ALMS1: variants seen among roughly 807,000 people sequenced by gnomAD.
The protein encoded by ALMS1 is ALMS1 centrosome and basal body associated protein.
A neutral mutation model predicts 352.2 loss-of-function variants in ALMS1; 271 were observed. The ratio of observed to expected loss-of-function variants is 0.77; its 90% CI spans 0.70 to 0.85. The LOEUF (loss-of-function observed/expected upper bound fraction) is 0.85, where lower values mean the gene tolerates loss of function less well. Ranked by LOEUF, ALMS1 falls within the 40% of genes least tolerant of loss-of-function variation. The pLI is 0.00. For missense variants in ALMS1, 5,445 were observed against 4,870.7 expected (o/e 1.12, Z -3.51); for synonymous variants, 1,865 against 1,761.2 (o/e 1.06, Z -1.48).
chr2:73,460,678 C>T (rs1259324368), intron 9 of ALMS1, among the ~76,000 whole-genome samples: 1 of 152,196 alleles, frequency 6.6e-6, no homozygotes, highest in African/African-American at 2.4e-5. Flanking sequence ...TCAGGGAGTT[C>T]CCTTTCCTAG....
intron 2 of ALMS1, among the ~76,000 whole-genome samples, chr2:73,413,618 G>C (rs1281243375): frequency 6.6e-6 from 1 of 152,172 alleles, no homozygotes. Flanking sequence ...TGGTTGAAGG[G>C]AGAGGCGTGT....
At chr2:73,477,523 A>G (rs1465629914) in intron 9 of ALMS1, among the ~76,000 whole-genome samples, 2 of 151,664 alleles carry the variant, frequency 1.3e-5, no homozygotes, top group African/African-American at 2.4e-5. Flanking sequence ...TTTTAATAAG[A>G]GTTGCATTGA....
intron 2 of ALMS1, among the ~76,000 whole-genome samples, chr2:73,415,087 C>G (rs1338135214): frequency 1.3e-5 from 2 of 152,094 alleles, no homozygotes; most frequent in African/African-American, 4.8e-5. Context: ...AAAGATGTAT[C>G]TCAAACTTTT....
intron 6 of ALMS1, among the ~76,000 whole-genome samples, chr2:73,430,275 A>C (rs1395784805): frequency 1.3e-5 from 2 of 151,982 alleles, no homozygotes; most frequent in African/African-American, 4.8e-5. Context: ...ACGGGGTTTC[A>C]CCGTGTTAGC....
At chr2:73,536,747 T>A (rs1442161219) in intron 12 of ALMS1, among the ~76,000 whole-genome samples, 1 of 152,094 alleles carries the variant, frequency 6.6e-6, no homozygotes, top group Admixed American at 6.6e-5. Context: ...ATAGAACTGA[T>A]GCAAACAACG....
chr2:73,563,236 G>C (rs1553417437), intron 15 of ALMS1, among the ~76,000 whole-genome samples: 2 of 152,070 alleles, frequency 1.3e-5, no homozygotes, highest in Non-Finnish European at 2.9e-5. Context: ...GAAATTTGGG[G>C]ACATTAATAT....
At position 73,502,332 on chromosome 2, in the gene ALMS1, C is replaced by T. The variant is rs541653349; in HGVS notation, c.9539+10834C>T. Among the ~76,000 whole-genome samples, 8 of 152,220 alleles carry T rather than the reference C, an allele frequency of 5.3e-5. No individual in the cohort carries two copies. The Middle Eastern group carries it at 0.01, about 194-fold the overall frequency. On this transcript the variant is annotated intron_variant, in intron 10 of 22. Transcript: ENST00000613296. ...ATCCTCAGGTATAAAGTCTATTCTT[C>T]ATACATAATCATTTCACCAGAGAAC...
intron 12 of ALMS1, among the ~76,000 whole-genome samples, chr2:73,542,482 C>T (rs1035384678): frequency 6.6e-6 from 1 of 152,182 alleles, no homozygotes; most frequent in Non-Finnish European, 1.5e-5. Context: ...CTCACCACTC[C>T]TATTCAACAC....
intron 7 of ALMS1, among the ~76,000 whole-genome samples, chr2:73,447,186 C>A (rs1296514305): frequency 6.6e-6 from 1 of 152,162 alleles, no homozygotes; most frequent in African/African-American, 2.4e-5. Context: ...CTTTACACTG[C>A]TGTTTAAAAC....
intron 10 of ALMS1, among the ~76,000 whole-genome samples, chr2:73,492,774 C>T (rs1048337405): frequency 2.0e-5 from 3 of 151,986 alleles, no homozygotes; most frequent in African/African-American, 7.3e-5. Flanking sequence ...GACAGAGTCT[C>T]GCTCTGTCAC....
intron 11 of ALMS1, among the ~76,000 whole-genome samples, chr2:73,522,525 A>G (rs1378460380): frequency 7.7e-6 from 1 of 130,296 alleles, no homozygotes; most frequent in African/African-American, 3.0e-5. Flanking sequence ...GTTGGAGTGC[A>G]GTGGTGCAAT....
At chr2:73,482,844 AG>A (rs1672741699) in intron 9 of ALMS1, among the ~76,000 whole-genome samples, 1 of 151,690 alleles carries the variant, frequency 6.6e-6, no homozygotes, top group Non-Finnish European at 1.5e-5. Flanking sequence ...CATTTCTTCT[AG>A]ATTTTCTAGT....
intron 15 of ALMS1, among the ~76,000 whole-genome samples, chr2:73,560,466 T>C (rs899287535): frequency 2.6e-5 from 4 of 152,152 alleles, no homozygotes; most frequent in African/African-American, 9.7e-5. Context: ...GATGTAGCTA[T>C]TATGGAAAAT....
At chr2:73,458,549 G>T (rs1407329568) in intron 9 of ALMS1, 1 of 152,172 alleles carries the variant, frequency 6.6e-6, no homozygotes, top group African/African-American at 2.4e-5. Context: ...ATGTCAGATG[G>T]TGGGATAAGA....
intron 2 of ALMS1, among the ~76,000 whole-genome samples, chr2:73,417,534 A>G (rs1450286916): frequency 6.6e-6 from 1 of 152,222 alleles, no homozygotes; most frequent in Admixed American, 6.5e-5. Context: ...CGTCTGATCT[A>G]CCACTACTGT....
At chr2:73,496,435 T>C (rs1572974543) in intron 10 of ALMS1, among the ~76,000 whole-genome samples, 1 of 152,144 alleles carries the variant, frequency 6.6e-6, no homozygotes, top group African/African-American at 2.4e-5. Context: ...TATTGCTTTA[T>C]TAAATGCAGT....
At chr2:73,602,010 T>C (rs746159390) in intron 19 of ALMS1, among the ~76,000 whole-genome samples, 175 bp from the exon 20 acceptor site, 24 of 152,194 alleles carry the variant, frequency 1.6e-4, no homozygotes, top group Non-Finnish European at 3.1e-4. Flanking sequence ...GTTTCCAAGC[T>C]GCAGCTCTCC....
rs181078371 is a variant in ALMS1, at chr2:73,579,594, A to T, written c.11547+6170A>T. Reference sequence around the variant, plus strand: ...AGGCTGGTCTTGAACTCCTGACCTCAGGTGAGCCACCCACCTCGGCCTCCC... The same window carrying T: ...AGGCTGGTCTTGAACTCCTGACCTCTGGTGAGCCACCCACCTCGGCCTCCC... On this transcript the variant is annotated intron_variant, in intron 16 of 22. Transcript: ENST00000613296. 1.2e-4 allele frequency among the ~76,000 whole-genome samples: 19 copies of T among 152,262 alleles called. No individual in the cohort carries two copies. The East Asian group carries it at 2.5e-3, about 20-fold the overall frequency.
At chr2:73,432,175 T>G (rs767686925) in intron 6 of ALMS1, 23 bp from the exon 7 acceptor site, 1 of 1,568,874 alleles carries the variant, frequency 6.4e-7, no homozygotes, top group South Asian at 1.1e-5. Context: ...TCATTTTTAT[T>G]GCCTTCATTT....
Sources: gnomAD v4.1 joint callset for allele counts (sites outside exome capture counted in the v4.1 genomes callset) on GRCh38, gnomAD v4.1.1 for gene constraint, MANE v1.5 for transcripts, NCBI Gene and HGNC (gene_info 2026-07-23, HGNC 2026-07-21) for gene names.